The following TMEM123 variants were observed in gnomAD, a reference collection of about 807,000 sequenced individuals.
TMEM123 encodes porimin.
Under a neutral mutation model 19.7 loss-of-function variants are expected in TMEM123, and 16 were observed. The observed-to-expected ratio is 0.81, with a 90% CI of 0.55 to 1.23. The LOEUF (loss-of-function observed/expected upper bound fraction) is 1.23, where lower values mean the gene tolerates loss of function less well. Ranked by LOEUF, TMEM123 falls within the 50% of genes most tolerant of loss-of-function variation. TMEM123 has a pLI of 0.00. For synonymous variants in TMEM123, 118 were observed against 99.4 expected (o/e 1.19, Z -1.12); for missense variants, 313 against 257.8 (o/e 1.21, Z -1.47).
chr11:102,423,773 C>G (rs1269610513), intron 2 of TMEM123, among the ~76,000 whole-genome samples: 2 of 152,118 alleles, frequency 1.3e-5, no homozygotes, highest in African/African-American at 4.8e-5. Context: ...CTTTTTTGTA[C>G]AGTCACACCA....
chr11:102,452,525 C>T lies in TMEM123; in HGVS notation c.99G>A (p.Ala33=), dbSNP rs770205862. ...LGAAHESAAM[A]ASANIENSGL... ...CTGACGACCCCCGCAGCCACTTACCCGCCATGGCTGCGCTTTCATGGGCGG... is the reference window on the plus strand; with the variant it reads ...CTGACGACCCCCGCAGCCACTTACCTGCCATGGCTGCGCTTTCATGGGCGG... The change falls in exon 1 of 5, where the codon GCG becomes GCA. Residue 33 remains alanine, a splice_region_variant and synonymous_variant. Transcript: ENST00000398136. 1.5e-5 allele frequency: 23 copies of T among 1,545,554 alleles called. No individual in the cohort carries two copies. In the East Asian group the frequency reaches 3.6e-4, roughly 24 times the overall value.
At chr11:102,440,002 A>G (rs1857807348) in intron 2 of TMEM123, among the ~76,000 whole-genome samples, 1 of 152,218 alleles carries the variant, frequency 6.6e-6, no homozygotes, top group Non-Finnish European at 1.5e-5. Flanking sequence ...TTAGAGAAAA[A>G]ACAGTAAAAA....
rs1298362385 is a variant in TMEM123, at chr11:102,448,795, A to C, written c.157+17T>G. The C allele has an allele frequency of 6.2e-7, 1 of 1,612,268 alleles. No homozygotes were observed. The highest frequency in any genetic ancestry group is 1.7e-5 in the Admixed American group (1 of 59,980). ...TAGACAAATGAAAATTTGTTTTTTT[A>C]ATCTTTTAAAACTCACCTGTTGAGT... On this transcript the variant is annotated intron_variant, in intron 2 of 4. Coordinates refer to ENST00000398136, the MANE Select transcript of TMEM123 (RefSeq NM_052932.3).
intron 2 of TMEM123, among the ~76,000 whole-genome samples, chr11:102,435,294 G>A (rs1202646424): frequency 6.6e-6 from 1 of 151,872 alleles, no homozygotes; most frequent in Admixed American, 6.6e-5. Flanking sequence ...AAAGGACTTG[G>A]ATAAACATTT....
chr11:102,443,473 T>G (rs1857848206), intron 2 of TMEM123, among the ~76,000 whole-genome samples: 1 of 152,160 alleles, frequency 6.6e-6, no homozygotes, highest in African/African-American at 2.4e-5. Context: ...TAAATGGTGC[T>G]GGGAAAACTG....
intron 2 of TMEM123, among the ~76,000 whole-genome samples, chr11:102,438,791 C>G (rs956009553): frequency 1.3e-5 from 2 of 152,232 alleles, no homozygotes; most frequent in Non-Finnish European, 2.9e-5. Flanking sequence ...GGGCAGGGCA[C>G]TGCATCACCC....
chr11:102,398,802 A>C lies in TMEM123; in HGVS notation c.*65T>G. 1.3e-6 allele frequency: 2 copies of C among 1,549,484 alleles called. No individual in the cohort carries two copies. Among genetic ancestry groups the C allele is most frequent in the Non-Finnish European group, 1.8e-6 (2 of 1,131,668 alleles). ...AAAGAGAATATTGTTTTAAACTATT[A>C]ATAAACCAAAATTAATTGATAGGGC... is the stretch of plus-strand genomic sequence containing the variant. On this transcript the variant is annotated 3_prime_UTR_variant, in exon 5 of 5. Coordinates refer to ENST00000398136, the MANE Select transcript of TMEM123 (RefSeq NM_052932.3).
Position 102,448,359 on chromosome 11 carries a change from G to C in TMEM123, c.157+453C>G, listed in dbSNP as rs1301103754. The C allele has an allele frequency of 1.1e-5, 5 of 448,960 alleles. No homozygotes were observed. The East Asian group carries it at 2.8e-4, about 25-fold the overall frequency. 27.8% of individuals were successfully genotyped at this position (448,960 alleles called of 1,614,324 possible). ...TCACAGGGTAAGGGCCTCACCAAGT[G>C]TTTGGGTTGAGTCTGCCTAATGGGT... is the stretch of plus-strand genomic sequence containing the variant. On this transcript the variant is annotated intron_variant, in intron 2 of 4. Transcript: ENST00000398136.
intron 2 of TMEM123, among the ~76,000 whole-genome samples, chr11:102,413,454 G>T (rs1952020808): frequency 6.6e-6 from 1 of 152,146 alleles, no homozygotes; most frequent in Non-Finnish European, 1.5e-5. Context: ...CACCGTCCTG[G>T]CAAAGTGCTT....
intron 2 of TMEM123, among the ~76,000 whole-genome samples, chr11:102,409,897 CAA>C (rs34000649): frequency 3.2e-5 from 4 of 124,868 alleles, no homozygotes; most frequent in Non-Finnish European, 1.7e-5. Flanking sequence ...AATCTAGATT[CAA>C]AAAAAAAAAA....
Position 102,445,952 on chromosome 11 carries a change from T to G in TMEM123, c.157+2860A>C, listed in dbSNP as rs77451867. On this transcript the variant is annotated intron_variant, in intron 2 of 4. Coordinates refer to ENST00000398136, the MANE Select transcript of TMEM123 (RefSeq NM_052932.3). The stretch of plus-strand genomic sequence containing the variant: ...AAATGGAACATACATGATTAAGAGA[T>G]AAACGGCTTTGGAAAGGAGTTGGTG... 7.3e-3 allele frequency among the ~76,000 whole-genome samples: 1,118 copies of G among 152,294 alleles called. 15 individuals are homozygous for G. Among genetic ancestry groups the G allele is most frequent in the African/African-American group, 0.026 (1,067 of 41,556 alleles).
intron 2 of TMEM123, among the ~76,000 whole-genome samples, chr11:102,419,162 A>G (rs1164976885): frequency 6.6e-6 from 1 of 152,232 alleles, no homozygotes; most frequent in African/African-American, 2.4e-5. Flanking sequence ...AGCCTAAAAT[A>G]AAAGAAAAAC....
chr11:102,449,051 T>C lies in TMEM123; in HGVS notation c.101-183A>G, dbSNP rs1857912139. ...TCTTGAAGCTGTCAGTAAAAGGGAC[T>C]GTATTACCAGGTTTTTCAAGATAAA... On this transcript the variant is annotated intron_variant, in intron 1 of 4. Transcript: ENST00000398136. The C allele has an allele frequency of 1.2e-5, 7 of 567,864 alleles. No homozygotes were observed. The Admixed American group carries it at 1.8e-4, about 15-fold the overall frequency. 35.2% of individuals were successfully genotyped at this position (567,864 alleles called of 1,614,324 possible). A position where few individuals can be genotyped will look rare whatever the true frequency, so the allele number is the denominator to read the frequency against.
chr11:102,405,783 CCG>C (rs1951950650), intron 2 of TMEM123, among the ~76,000 whole-genome samples: 2 of 152,126 alleles, frequency 1.3e-5, no homozygotes, highest in Admixed American at 1.3e-4. Flanking sequence ...GGTTAGTTCT[CCG>C]CTAAGTCAAT....
At chr11:102,434,252 T>C (rs1259708484) in intron 2 of TMEM123, among the ~76,000 whole-genome samples, 1 of 151,888 alleles carries the variant, frequency 6.6e-6, no homozygotes, top group Non-Finnish European at 1.5e-5. Flanking sequence ...CACCAACATT[T>C]GTTATCTTTT....
intron 2 of TMEM123, among the ~76,000 whole-genome samples, chr11:102,434,659 G>A (rs1270622319): frequency 6.6e-6 from 1 of 151,776 alleles, no homozygotes; most frequent in Admixed American, 6.6e-5. Context: ...TCATTGCCCA[G>A]ACCAATGTTG....
intron 4 of TMEM123, 61 bp downstream of exon 4, chr11:102,401,478 T>C (rs962994264): frequency 2.2e-4 from 320 of 1,426,620 alleles, no homozygotes; most frequent in Non-Finnish European, 2.8e-4. Context: ...TGATATTCTA[T>C]CATAATTAAA....
chr11:102,404,470 G>C (rs1338993650), intron 2 of TMEM123, among the ~76,000 whole-genome samples: 4 of 151,978 alleles, frequency 2.6e-5, no homozygotes, highest in Non-Finnish European at 5.9e-5. Context: ...TTTTAGTAGA[G>C]ACAGCGCTTC....
chr11:102,430,161 C>A (rs530034122), intron 2 of TMEM123, among the ~76,000 whole-genome samples: 1 of 152,336 alleles, frequency 6.6e-6, no homozygotes, highest in South Asian at 2.1e-4. Flanking sequence ...TGTGGCAATT[C>A]TCCCCTGTTA....
Sources: allele counts gnomAD v4.1 joint callset (sites outside exome capture counted in the v4.1 genomes callset), GRCh38; gene constraint gnomAD v4.1.1; transcripts MANE v1.5; gene names NCBI Gene and HGNC (gene_info 2026-07-23, HGNC 2026-07-21).